Variants in PCDHGA9 observed in about 807,000 individuals in gnomAD.
PCDHGA9 encodes protocadherin gamma-A9.
In PCDHGA9, 37 loss-of-function variants were observed where a neutral mutation model predicts 62.5. The ratio of observed to expected loss-of-function variants is 0.59; its 90% CI spans 0.46 to 0.78. The LOEUF (loss-of-function observed/expected upper bound fraction) is 0.78, where lower values mean the gene tolerates loss of function less well. Among genes scored for constraint, PCDHGA9 ranks in the 30% least tolerant of loss-of-function variants. PCDHGA9 has a pLI of 0.00. For synonymous variants in PCDHGA9, 459 were observed against 484.6 expected (o/e 0.95, Z 0.69); for missense variants, 1,138 against 1,166.2 (o/e 0.98, Z 0.35).
At chr5:141,425,491 C>G (rs1243033082) in intron 1 of PCDHGA9, among the ~76,000 whole-genome samples, 1 of 152,200 alleles carries the variant, frequency 6.6e-6, no homozygotes, top group Non-Finnish European at 1.5e-5. Context: ...ACCTACTAGG[C>G]TATACCTTTA....
chr5:141,444,325 C>G (rs2098432231), intron 1 of PCDHGA9, among the ~76,000 whole-genome samples: 1 of 151,840 alleles, frequency 6.6e-6, no homozygotes, highest in Non-Finnish European at 1.5e-5. Flanking sequence ...GCATGTGCCA[C>G]CACGCCCAGC....
Position 141,510,362 on chromosome 5 carries a change from C to T in PCDHGA9, c.2573-585C>T, listed in dbSNP as rs74321279. Among the ~76,000 whole-genome samples the T allele has an allele frequency of 2.0e-4, 29 of 142,136 alleles. No homozygotes were observed. In the East Asian group the frequency reaches 5.7e-3, roughly 28 times the overall value. The allele number at this position is 142,136 out of a possible 152,430, so 93.2% of individuals were successfully genotyped here. A position where few individuals can be genotyped will look rare whatever the true frequency, so the allele number is the denominator to read the frequency against. On this transcript the variant is annotated intron_variant, in intron 3 of 3. Coordinates refer to ENST00000573521, the MANE Select transcript of PCDHGA9 (RefSeq NM_018921.3). ...CCCACACACTTACTAACGGAACTAC[C>T]GAATCTCTACTCGTGCCAGGCCTTG... is the stretch of plus-strand genomic sequence containing the variant.
At position 141,491,658 on chromosome 5, in the gene PCDHGA9, C is replaced by A; in HGVS notation, c.2425-3149C>A. 1 of 1,613,822 alleles carries A rather than the reference C, an allele frequency of 6.2e-7. No homozygotes were observed. The highest frequency in any genetic ancestry group is 8.5e-7 in the Non-Finnish European group (1 of 1,180,016). On this transcript the variant is annotated intron_variant, in intron 1 of 3. Coordinates refer to ENST00000573521, the MANE Select transcript of PCDHGA9 (RefSeq NM_018921.3). The surrounding 1 kb of genome is among the most constrained non-coding windows in gnomAD (Gnocchi z 6.9). ...CCACAGCTCTGGCGCTGGAGCCTGA[C>A]GCCATCCGGTCCCGCTCTAATACGC... is the stretch of plus-strand genomic sequence containing the variant.
chr5:141,428,341 C>T, intron 1 of PCDHGA9: 1 of 602,086 alleles, frequency 1.7e-6, no homozygotes, highest in Non-Finnish European at 3.0e-6. Flanking sequence ...GCTCTTCTTC[C>T]TCGCAGTGAT....
Position 141,422,343 on chromosome 5 carries a change from G to T in PCDHGA9, c.2424+16967G>T, listed in dbSNP as rs764862139. ...GTACAGTGATTGCTCTTCTAAATGT[G>T]CAAGATCAAGATTCTGGAGAAAATG... On this transcript the variant is annotated intron_variant, in intron 1 of 3. Transcript: ENST00000573521. 1.9e-6 allele frequency: 3 copies of T among 1,551,388 alleles called. No individual in the cohort carries two copies. The East Asian group carries it at 6.7e-5, about 35-fold the overall frequency.
At position 141,490,954 on chromosome 5, in the gene PCDHGA9, G is replaced by A. The variant is rs749646808; in HGVS notation, c.2425-3853G>A. On this transcript the variant is annotated intron_variant, in intron 1 of 3. Coordinates refer to ENST00000573521, the MANE Select transcript of PCDHGA9 (RefSeq NM_018921.3). This position sits in a 1 kb window ranked among gnomAD's most constrained non-coding sequence, Gnocchi z 5.4. ...TGTGCTGCACCCACGGCCAGACTGGGAACACTCAGCCCCCCAGCGTCTCCC... is the reference window on the plus strand; with the variant it reads ...TGTGCTGCACCCACGGCCAGACTGGAAACACTCAGCCCCCCAGCGTCTCCC... 9 of 1,613,662 alleles carry A rather than the reference G, an allele frequency of 5.6e-6. No individual in the cohort carries two copies. The African/African-American group carries it at 8.0e-5, about 14-fold the overall frequency.
chr5:141,431,991 A>T lies in PCDHGA9; in HGVS notation c.2424+26615A>T, dbSNP rs1046547219. On this transcript the variant is annotated intron_variant, in intron 1 of 3. Transcript: ENST00000573521. The surrounding 1 kb of genome is among the most constrained non-coding windows in gnomAD (Gnocchi z 4.8). ...AGTTTAGTCACAGACATAGTCTTGG[A>T]TAGGGAACAGGTTCCTAGCTACAAC... is the stretch of plus-strand genomic sequence containing the variant. 5 of 1,614,100 alleles carry T rather than the reference A, an allele frequency of 3.1e-6. No individual in the cohort carries two copies. Among genetic ancestry groups the T allele is most frequent in the Non-Finnish European group, 3.4e-6 (4 of 1,180,050 alleles).
At chr5:141,433,034 C>G (rs1357694242) in intron 1 of PCDHGA9, 2 of 1,614,184 alleles carry the variant, frequency 1.2e-6, no homozygotes, top group Non-Finnish European at 1.7e-6. Flanking sequence ...CGAGGTTTCC[C>G]TCACCACGGA....
chr5:141,455,130 A>T (rs1446894125), intron 1 of PCDHGA9, among the ~76,000 whole-genome samples: 2 of 150,970 alleles, frequency 1.3e-5, no homozygotes, highest in African/African-American at 4.8e-5. Flanking sequence ...GTTTTAAATT[A>T]CACTGTGTTA....
chr5:141,446,850 C>T (rs1027473189), intron 1 of PCDHGA9, among the ~76,000 whole-genome samples: 2 of 152,114 alleles, frequency 1.3e-5, no homozygotes, highest in Non-Finnish European at 2.9e-5. Flanking sequence ...GCATAATAAG[C>T]TTCCTGATAG....
At chr5:141,427,352 G>A (rs982774903) in intron 1 of PCDHGA9, 3 of 457,474 alleles carry the variant, frequency 6.6e-6, no homozygotes, top group African/African-American at 6.0e-5. Flanking sequence ...CTGTAACTGA[G>A]GACGCAGAAC....
At chr5:141,408,723 C>G (rs1365936782) in intron 1 of PCDHGA9, 3 of 1,611,058 alleles carry the variant, frequency 1.9e-6, no homozygotes, top group Non-Finnish European at 2.5e-6. Flanking sequence ...AAGATAAACT[C>G]TAATCCTTAT....
chr5:141,404,270 C>T lies in PCDHGA9; in HGVS notation c.1318C>T (p.Leu440=), dbSNP rs1359018673. The change falls in exon 1 of 4, where the codon CTG becomes TTG. Residue 440 remains leucine, a synonymous_variant. Transcript: ENST00000573521. ...CCTGTCCACAGAAATTCACATCACC[C>T]TGCAAGTGACTGACATCAATGATAA... is the stretch of plus-strand genomic sequence containing the variant. ...PPLSTEIHIT[L]QVTDINDNPP... 5.0e-6 allele frequency: 8 copies of T among 1,614,010 alleles called. No homozygotes were observed. The highest frequency in any genetic ancestry group is 6.8e-6 in the Non-Finnish European group (8 of 1,179,880).
intron 1 of PCDHGA9, among the ~76,000 whole-genome samples, chr5:141,482,760 C>CAGCTGTG (rs1363796107): frequency 2.1e-5 from 3 of 141,084 alleles, no homozygotes; most frequent in African/African-American, 5.7e-5. Flanking sequence ...TATGGTATTT[C>CAGCTGTG]ATTATCACTG....
chr5:141,424,393 A>G (rs1241872928), intron 1 of PCDHGA9: 1 of 152,120 alleles, frequency 6.6e-6, no homozygotes, highest in Non-Finnish European at 1.5e-5. Flanking sequence ...TGTCTTTTCC[A>G]TTACTATGGT....
At chr5:141,446,798 T>C (rs1223789118) in intron 1 of PCDHGA9, among the ~76,000 whole-genome samples, 1 of 152,160 alleles carries the variant, frequency 6.6e-6, no homozygotes, top group Non-Finnish European at 1.5e-5. Flanking sequence ...AGTTCTTCCA[T>C]TGTGATCATC....
chr5:141,460,027 G>A (rs1002703325), intron 1 of PCDHGA9, among the ~76,000 whole-genome samples: 3 of 152,088 alleles, frequency 2.0e-5, no homozygotes, highest in East Asian at 1.9e-4. Flanking sequence ...GCAGTGAGCC[G>A]AGACTGCACC....
intron 1 of PCDHGA9, chr5:141,427,630 T>C (rs1043983899): frequency 2.8e-6 from 2 of 702,530 alleles, no homozygotes; most frequent in African/African-American, 1.7e-5. Context: ...AATGCTCCGG[T>C]TTTCCACCAA....
At position 141,486,134 on chromosome 5, in the gene PCDHGA9, C is replaced by T; in HGVS notation, c.2425-8673C>T. 6.2e-7 allele frequency: 1 copy of T among 1,614,168 alleles called. No homozygotes were observed. ...TGAGAATTACTATGAATTTGATGTG[C>T]GGGCTCGCGATGGGGGTTCTCCAGC... On this transcript the variant is annotated intron_variant, in intron 1 of 3. Coordinates refer to ENST00000573521, the MANE Select transcript of PCDHGA9 (RefSeq NM_018921.3). The surrounding 1 kb of genome is among the most constrained non-coding windows in gnomAD (Gnocchi z 5.0).
Sources: allele counts gnomAD v4.1 joint callset (sites outside exome capture counted in the v4.1 genomes callset), GRCh38; gene constraint gnomAD v4.1.1; non-coding constraint Gnocchi (gnomAD v3.1); transcripts MANE v1.5; gene names NCBI Gene and HGNC (gene_info 2026-07-23, HGNC 2026-07-21).